Variants in CHRM3 observed in about 807,000 individuals in gnomAD.
CHRM3 encodes cholinergic receptor muscarinic 3.
CHRM3 carries 11 observed loss-of-function variants against 41.8 expected under a neutral mutation model. The observed-to-expected ratio is 0.26, with a 90% CI of 0.17 to 0.44. CHRM3 has a LOEUF of 0.44. CHRM3 is among the 20% of genes least tolerant of loss of function. The pLI, the probability that CHRM3 is intolerant of heterozygous loss-of-function variation, is 1.00. For synonymous variants in CHRM3, 297 were observed against 301.4 expected (o/e 0.99, Z 0.15); for missense variants, 571 against 745.4 (o/e 0.77, Z 2.72).
chr1:239,784,133 C>T (rs145350914), intron 5 of CHRM3, among the ~76,000 whole-genome samples: 1 of 152,194 alleles, frequency 6.6e-6, no homozygotes, highest in African/African-American at 2.4e-5. Flanking sequence ...AAAGTTTCAT[C>T]GTTAGGCCTT....
At chr1:239,599,803 T>G (rs1665286918) in intron 3 of CHRM3, among the ~76,000 whole-genome samples, 1 of 152,144 alleles carries the variant, frequency 6.6e-6, no homozygotes, top group East Asian at 1.9e-4. Flanking sequence ...CTCATGTAAT[T>G]TATTGAATAC....
intron 5 of CHRM3, among the ~76,000 whole-genome samples, chr1:239,755,656 A>C (rs1666181359): frequency 6.6e-6 from 1 of 152,220 alleles, no homozygotes; most frequent in Non-Finnish European, 1.5e-5. Flanking sequence ...GTCGGAGACC[A>C]GGTGGTTGTG....
intron 5 of CHRM3, among the ~76,000 whole-genome samples, chr1:239,813,232 T>G (rs1271495708): frequency 6.6e-6 from 1 of 151,978 alleles, no homozygotes; most frequent in Admixed American, 6.6e-5. Context: ...GAGCCGACAT[T>G]GTGCCACCGC....
intron 3 of CHRM3, among the ~76,000 whole-genome samples, chr1:239,595,825 C>A (rs1664713217): frequency 6.6e-6 from 1 of 152,108 alleles, no homozygotes; most frequent in African/African-American, 2.4e-5. Context: ...AATATAGCTC[C>A]ATTTTTTTAT....
intron 1 of CHRM3, among the ~76,000 whole-genome samples, chr1:239,465,875 C>CA (rs1348820007): frequency 3.9e-5 from 6 of 152,166 alleles, no homozygotes; most frequent in African/African-American, 1.4e-4. Flanking sequence ...CCACCTCTTT[C>CA]ACCCCTGCTA....
chr1:239,397,906 A>G (rs1342810773), intron 1 of CHRM3, among the ~76,000 whole-genome samples: 2 of 151,968 alleles, frequency 1.3e-5, no homozygotes, highest in African/African-American at 4.8e-5. Flanking sequence ...GGGGGCACAC[A>G]ATAAAGCATT....
At chr1:239,708,665 C>A (rs1186758607) in intron 5 of CHRM3, among the ~76,000 whole-genome samples, 1 of 151,298 alleles carries the variant, frequency 6.6e-6, no homozygotes, top group East Asian at 1.9e-4. Context: ...TAAGCCCCAT[C>A]CAGAAAGGGC....
chr1:239,519,979 C>A (rs963509290), intron 2 of CHRM3, among the ~76,000 whole-genome samples: 1 of 151,992 alleles, frequency 6.6e-6, no homozygotes, highest in East Asian at 1.9e-4. Flanking sequence ...GATCTCCTGA[C>A]CTCGTGATCT....
chr1:239,820,174 A>G (rs1175360370), intron 5 of CHRM3, among the ~76,000 whole-genome samples: 2 of 152,196 alleles, frequency 1.3e-5, no homozygotes, highest in Non-Finnish European at 2.9e-5. Context: ...AAGTCTTTAT[A>G]CATTTATTCC....
intron 6 of CHRM3, among the ~76,000 whole-genome samples, chr1:239,858,521 GA>G (rs35735156): frequency 1.8e-4 from 26 of 143,730 alleles, no homozygotes; most frequent in African/African-American, 5.4e-4. Flanking sequence ...TTTTCATTTG[GA>G]AAAAAAAAAA....
intron 3 of CHRM3, among the ~76,000 whole-genome samples, chr1:239,557,775 T>C (rs1467274292): frequency 6.6e-6 from 1 of 152,168 alleles, no homozygotes; most frequent in African/African-American, 2.4e-5. Flanking sequence ...CTGAGGATAA[T>C]GGCTTCCAGC....
intron 6 of CHRM3, among the ~76,000 whole-genome samples, chr1:239,848,066 T>A (rs1450755807): frequency 6.6e-6 from 1 of 150,400 alleles, no homozygotes; most frequent in South Asian, 2.1e-4. Context: ...CATCTCCATA[T>A]TAAAAATACC....
chr1:239,659,392 T>A (rs569265460), intron 4 of CHRM3, among the ~76,000 whole-genome samples: 1 of 152,216 alleles, frequency 6.6e-6, no homozygotes, highest in Non-Finnish European at 1.5e-5. Flanking sequence ...TTCCCTTCAC[T>A]CTGTGTCTCT....
intron 1 of CHRM3, among the ~76,000 whole-genome samples, chr1:239,465,985 T>TTTTA (rs984817465): frequency 3.9e-5 from 6 of 152,058 alleles, no homozygotes; most frequent in East Asian, 1.9e-4. Flanking sequence ...ATCCATTTCC[T>TTTTA]TTTATTTATT....
chr1:239,856,028 C>G (rs1213176417), intron 6 of CHRM3, among the ~76,000 whole-genome samples: 1 of 152,160 alleles, frequency 6.6e-6, no homozygotes, highest in African/African-American at 2.4e-5. Flanking sequence ...AAATTCTGGT[C>G]TAGTTGTACT....
At chr1:239,443,930 T>A (rs1364711825) in intron 1 of CHRM3, among the ~76,000 whole-genome samples, 1 of 152,236 alleles carries the variant, frequency 6.6e-6, no homozygotes, top group Non-Finnish European at 1.5e-5. Flanking sequence ...CTCTTTTGTG[T>A]GAAATATGTG....
chr1:239,743,621 G>A (rs1665052462), intron 5 of CHRM3, among the ~76,000 whole-genome samples: 1 of 151,974 alleles, frequency 6.6e-6, no homozygotes, highest in Non-Finnish European at 1.5e-5. Flanking sequence ...AGGAGCTTGT[G>A]CCATATGTCT....
intron 5 of CHRM3, among the ~76,000 whole-genome samples, chr1:239,813,116 AAAAATAC>A (rs1351881117): frequency 5.3e-5 from 8 of 152,126 alleles, no homozygotes; most frequent in African/African-American, 1.7e-4. Context: ...CATCTCTACT[AAAAATAC>A]AAAAATTACC....
At chr1:239,568,426 A>T (rs1343965933) in intron 3 of CHRM3, among the ~76,000 whole-genome samples, 1 of 152,078 alleles carries the variant, frequency 6.6e-6, no homozygotes, top group Non-Finnish European at 1.5e-5. Flanking sequence ...ACCATGGAAG[A>T]CATGCCTTTC....
Sources: allele counts gnomAD v4.1 joint callset (sites outside exome capture counted in the v4.1 genomes callset), GRCh38; gene constraint gnomAD v4.1.1; transcripts MANE v1.5; gene names NCBI Gene and HGNC (gene_info 2026-07-23, HGNC 2026-07-21).